Variants in UBE2E2 observed in about 807,000 individuals in gnomAD.
The protein encoded by UBE2E2 is ubiquitin conjugating enzyme E2 E2, also known as ubiquitin-conjugating enzyme E2 E2.
A neutral mutation model predicts 24.7 loss-of-function variants in UBE2E2; 6 were observed. The observed-to-expected ratio is 0.24, with a 90% confidence interval of 0.13 to 0.48. UBE2E2 has a LOEUF of 0.48. UBE2E2 is among the 20% of genes least tolerant of loss of function. The probability of loss-of-function intolerance (pLI) is 0.99; values close to 1 mark genes in which losing one functional copy is unlikely to be tolerated. For missense variants in UBE2E2, 169 were observed against 245.0 expected (o/e 0.69, Z 2.07); for synonymous variants, 104 against 83.6 (o/e 1.24, Z -1.33).
chr3:23,455,454 A>C (rs1698657269), intron 3 of UBE2E2, among the ~76,000 whole-genome samples: 1 of 152,232 alleles, frequency 6.6e-6, no homozygotes, highest in African/African-American at 2.4e-5. Flanking sequence ...ACAGTGGCTC[A>C]TTCCTGTAAT....
At chr3:23,552,733 A>T (rs1471788128) in intron 5 of UBE2E2, among the ~76,000 whole-genome samples, 3 of 152,188 alleles carry the variant, frequency 2.0e-5, no homozygotes, top group Non-Finnish European at 2.9e-5. Flanking sequence ...TCAGTTCTCC[A>T]TCAGTTGTTG....
At chr3:23,533,002 A>T (rs1695158453) in intron 5 of UBE2E2, among the ~76,000 whole-genome samples, 4 of 152,192 alleles carry the variant, frequency 2.6e-5, no homozygotes. Context: ...ATAATAATAA[A>T]AATTCAAGTT....
chr3:23,306,605 G>A (rs1246746950), intron 3 of UBE2E2, among the ~76,000 whole-genome samples: 1 of 152,076 alleles, frequency 6.6e-6, no homozygotes, highest in Non-Finnish European at 1.5e-5. Context: ...TGCAAATGTC[G>A]ATATTGCTTA....
intron 3 of UBE2E2, among the ~76,000 whole-genome samples, chr3:23,227,758 T>C (rs1265117529): frequency 5.9e-5 from 9 of 152,024 alleles, no homozygotes; most frequent in Admixed American, 5.9e-4. Flanking sequence ...AGCTGCAGAG[T>C]TGGGCTATGT....
chr3:23,359,978 G>GC (rs148512316), intron 3 of UBE2E2, among the ~76,000 whole-genome samples: 43,650 of 151,850 alleles, frequency 0.29, 6,508 homozygotes, highest in East Asian at 0.36. Flanking sequence ...CTCTCTTGAT[G>GC]CCCCAGGAGT....
intron 5 of UBE2E2, among the ~76,000 whole-genome samples, chr3:23,550,788 A>G (rs1695624788): frequency 6.6e-6 from 1 of 152,196 alleles, no homozygotes; most frequent in South Asian, 2.1e-4. Flanking sequence ...GAGAGAGGCC[A>G]GCAGTGTCAC....
chr3:23,357,780 G>A (rs1696001987), intron 3 of UBE2E2, among the ~76,000 whole-genome samples: 2 of 152,126 alleles, frequency 1.3e-5, no homozygotes, highest in African/African-American at 2.4e-5. Context: ...TAAACATACG[G>A]TGTCTACATT....
Position 23,561,353 on chromosome 3 carries a change from G to C in UBE2E2, c.509-28381G>C, listed in dbSNP as rs200927657. 1.4e-3 allele frequency among the ~76,000 whole-genome samples: 217 copies of C among 152,162 alleles called. 5 individuals are homozygous for C. In the East Asian group the frequency reaches 0.015, roughly 11 times the overall value. ...AATCCTTTCCCCATTTCTTGTTTTT[G>C]TCAGGTTTGTCAAAGATCAGATAGT... On this transcript the variant is annotated intron_variant, in intron 5 of 5. Coordinates refer to ENST00000396703, the MANE Select transcript of UBE2E2 (RefSeq NM_152653.4).
intron 3 of UBE2E2, among the ~76,000 whole-genome samples, chr3:23,385,224 T>G (rs949412530): frequency 5.9e-5 from 9 of 152,268 alleles, no homozygotes; most frequent in African/African-American, 2.2e-4. Flanking sequence ...TTTCCCTGTT[T>G]GCAAGCGATT....
At chr3:23,339,934 T>C (rs1695334920) in intron 3 of UBE2E2, among the ~76,000 whole-genome samples, 1 of 152,112 alleles carries the variant, frequency 6.6e-6, no homozygotes, top group Non-Finnish European at 1.5e-5. Flanking sequence ...CGGGAAATAC[T>C]GAAATATTTA....
At chr3:23,445,948 C>T (rs957827541) in intron 3 of UBE2E2, among the ~76,000 whole-genome samples, 14 of 152,182 alleles carry the variant, frequency 9.2e-5, no homozygotes, top group Admixed American at 3.9e-4. Context: ...TTGCCAGAGA[C>T]TCCACAGCAT....
chr3:23,255,862 G>A (rs1358376125), intron 3 of UBE2E2, among the ~76,000 whole-genome samples: 2 of 152,166 alleles, frequency 1.3e-5, no homozygotes, highest in Admixed American at 1.3e-4. Context: ...TACCCTGGAG[G>A]CTGAGGCAGG....
intron 5 of UBE2E2, among the ~76,000 whole-genome samples, chr3:23,559,532 C>G (rs1049794651): frequency 6.6e-6 from 1 of 152,194 alleles, no homozygotes; most frequent in African/African-American, 2.4e-5. Context: ...ATACTTGTCT[C>G]CAGAAATAAA....
At chr3:23,271,122 A>G (rs896731961) in intron 3 of UBE2E2, 1 of 434,894 alleles carries the variant, frequency 2.3e-6, no homozygotes, top group Non-Finnish European at 4.6e-6. Flanking sequence ...GAGTTTCAGA[A>G]ACTTGTATTC....
intron 5 of UBE2E2, among the ~76,000 whole-genome samples, chr3:23,561,571 A>C (rs1244121890): frequency 1.3e-5 from 2 of 151,748 alleles, no homozygotes; most frequent in Non-Finnish European, 2.9e-5. Context: ...TTTTGGTTCC[A>C]TATGAACTTT....
At chr3:23,521,421 C>G (rs766388954) in intron 4 of UBE2E2, among the ~76,000 whole-genome samples, 2 of 152,168 alleles carry the variant, frequency 1.3e-5, no homozygotes, top group African/African-American at 4.8e-5. Context: ...GTATGAGACA[C>G]TTTTGCAGTT....
chr3:23,527,483 T>C (rs887079299), intron 4 of UBE2E2, among the ~76,000 whole-genome samples: 4 of 152,180 alleles, frequency 2.6e-5, no homozygotes, highest in Non-Finnish European at 5.9e-5. Context: ...CTAAAAGCCT[T>C]GCGATCTCAG....
Position 23,556,453 on chromosome 3 carries a change from T to TAAAAAA in UBE2E2, c.508+23752_508+23753insAAAAAA, listed in dbSNP as rs1321819270. Among the ~76,000 whole-genome samples, 364 of 68,810 alleles carry TAAAAAA rather than the reference T, an allele frequency of 5.3e-3. 9 individuals are homozygous for TAAAAAA. Among genetic ancestry groups the TAAAAAA allele is most frequent in the Middle Eastern group, 0.016 (2 of 122 alleles). The allele number at this position is 68,810 out of a possible 152,430, so 45.1% of individuals were successfully genotyped here. ...ACCATGCCCAGCCAATAAAATTTAT[T>TAAAAAA]TAAAAAAAAAAAAAAAAAAGCTATA... On this transcript the variant is annotated intron_variant, in intron 5 of 5. Coordinates refer to ENST00000396703, the MANE Select transcript of UBE2E2 (RefSeq NM_152653.4).
At chr3:23,498,548 C>G (rs937719092) in intron 3 of UBE2E2, among the ~76,000 whole-genome samples, 1 of 152,192 alleles carries the variant, frequency 6.6e-6, no homozygotes, top group Non-Finnish European at 1.5e-5. Context: ...TACCCATAAA[C>G]TTGGTATCTC....
Sources: allele counts gnomAD v4.1 joint callset (sites outside exome capture counted in the v4.1 genomes callset), GRCh38; gene constraint gnomAD v4.1.1; transcripts MANE v1.5; gene names NCBI Gene and HGNC (gene_info 2026-07-23, HGNC 2026-07-21).